The following ZNF609 variants were observed in gnomAD, a reference collection of about 807,000 sequenced individuals.
ZNF609 encodes the protein zinc finger protein 609.
Under a neutral mutation model 109.5 loss-of-function variants are expected in ZNF609, and 11 were observed. The ratio of observed to expected loss-of-function variants is 0.10; its 90% CI spans 0.06 to 0.17. The LOEUF is 0.17. ZNF609 is among the 10% of genes least tolerant of loss of function. ZNF609 has a pLI of 1.00. For synonymous variants in ZNF609, 646 were observed against 662.0 expected (o/e 0.98, Z 0.37); for missense variants, 1,559 against 1,772.4 (o/e 0.88, Z 2.16).
chr15:64,605,675 GTTA>G (rs1895582254), intron 2 of ZNF609, among the ~76,000 whole-genome samples: 1 of 151,394 alleles, frequency 6.6e-6, no homozygotes, highest in Admixed American at 6.6e-5. Context: ...ATTGCATAAT[GTTA>G]TTAGTGGTTA....
intron 1 of ZNF609, among the ~76,000 whole-genome samples, chr15:64,472,246 T>G (rs1893101973): frequency 6.6e-6 from 1 of 152,124 alleles, no homozygotes; most frequent in South Asian, 2.1e-4. Flanking sequence ...TTAAAAAAAG[T>G]GTGAAGTGCA....
chr15:64,512,230 G>C (rs140246055), intron 2 of ZNF609, among the ~76,000 whole-genome samples: 32 of 152,190 alleles, frequency 2.1e-4, no homozygotes, highest in African/African-American at 7.7e-4. Flanking sequence ...TTAAGGTAGA[G>C]CATCCATATT....
At chr15:64,506,941 C>A (rs1893646208) in intron 2 of ZNF609, among the ~76,000 whole-genome samples, 1 of 152,140 alleles carries the variant, frequency 6.6e-6, no homozygotes, top group African/African-American at 2.4e-5. Flanking sequence ...TTAGCTAAGA[C>A]TTTTTAGCAC....
At chr15:64,601,935 C>T (rs1400911755) in intron 2 of ZNF609, among the ~76,000 whole-genome samples, 2 of 152,064 alleles carry the variant, frequency 1.3e-5, no homozygotes, top group African/African-American at 2.4e-5. Flanking sequence ...AAATCCTGAC[C>T]CTGTCACTTA....
At chr15:64,497,475 A>C (rs763868739) in intron 1 of ZNF609, among the ~76,000 whole-genome samples, 9 of 152,196 alleles carry the variant, frequency 5.9e-5, no homozygotes, top group Non-Finnish European at 1.3e-4. Context: ...CTGAGGGAAT[A>C]GGTAAAAAAG....
At chr15:64,548,424 C>T (rs768501772) in intron 2 of ZNF609, among the ~76,000 whole-genome samples, 1 of 152,220 alleles carries the variant, frequency 6.6e-6, no homozygotes, top group Non-Finnish European at 1.5e-5. Context: ...CTTTTCTTTA[C>T]AAGTCGATGA....
At chr15:64,667,636 C>A (rs1316323061) in intron 3 of ZNF609, among the ~76,000 whole-genome samples, 3 of 151,894 alleles carry the variant, frequency 2.0e-5, no homozygotes, top group Admixed American at 2.0e-4. Flanking sequence ...CACTTGAACC[C>A]AGGAGGTGGA....
At position 64,499,923 on chromosome 15, in the gene ZNF609, G is replaced by C. The variant is rs749603033; in HGVS notation, c.504G>C (p.Lys168Asn). Residue 168 changes from lysine (K) to asparagine (N), a missense_variant, in exon 2 of 10, where the codon AAG (lysine) becomes AAC (asparagine). Lys to Asn is a moderately conservative substitution (Grantham distance 94). Around this residue, in one of 4 missense-constraint regions of ZNF609, gnomAD observed 291 missense variants for 317.8 expected, o/e 0.92. Transcript: ENST00000326648. ...AGGAGAACAGCTCATCTAAGAGCAA[G>C]AAGGAGAGAAGCGAAGGAGTGGGGA... is the stretch of plus-strand genomic sequence containing the variant. ...KEKENSSSKSKKERSEGVGTC... is the reference protein window; with the variant it reads ...KEKENSSSKSNKERSEGVGTC... The C allele has an allele frequency of 5.0e-6, 8 of 1,614,018 alleles. No homozygotes were observed. The Admixed American group carries it at 6.7e-5, about 13-fold the overall frequency.
chr15:64,505,693 G>C (rs1235837872), intron 2 of ZNF609, among the ~76,000 whole-genome samples: 1 of 152,140 alleles, frequency 6.6e-6, no homozygotes, highest in African/African-American at 2.4e-5. Flanking sequence ...TTTGGGGTAA[G>C]GGCCCAGAAA....
chr15:64,561,210 A>G (rs1000571004), intron 2 of ZNF609, among the ~76,000 whole-genome samples: 11 of 152,146 alleles, frequency 7.2e-5, no homozygotes, highest in Non-Finnish European at 1.5e-5. Context: ...ACCCTCAGTG[A>G]CTTGTTATCT....
chr15:64,576,822 C>CAAAAAA (rs57802165), intron 2 of ZNF609, among the ~76,000 whole-genome samples: 1 of 79,928 alleles, frequency 1.3e-5, no homozygotes, highest in African/African-American at 5.0e-5. Flanking sequence ...GACTCCATCT[C>CAAAAAA]AAAAAAAAAA....
In ZNF609 at chr15:64,499,599, G is replaced by A. The variant is rs780971526; in HGVS notation, c.180G>A (p.Pro60=). ...EMSGSKEVGI[P]APNAVATLPD... is the part of the protein sequence containing the mutation. ...CAGGCTCAAAGGAGGTGGGGATACC[G>A]GCTCCCAATGCTGTGGCCACACTAC... is the stretch of plus-strand genomic sequence containing the variant. Residue 60 remains proline, a synonymous_variant, in exon 2 of 10, where the codon CCG becomes CCA. Coordinates refer to ENST00000326648, the MANE Select transcript of ZNF609 (RefSeq NM_015042.2). 6 of 1,614,042 alleles carry A rather than the reference G, an allele frequency of 3.7e-6. No individual in the cohort carries two copies. Among genetic ancestry groups the A allele is most frequent in the South Asian group, 2.2e-5 (2 of 91,088 alleles).
chr15:64,607,502 C>CTTTTTTT (rs200902765), intron 2 of ZNF609, among the ~76,000 whole-genome samples: 1 of 131,988 alleles, frequency 7.6e-6, no homozygotes. Context: ...TTAAGGCATA[C>CTTTTTTT]TTTTTTTTTT....
At position 64,680,190 on chromosome 15, in the gene ZNF609, T is replaced by C; in HGVS notation, c.3775T>C (p.Tyr1259His). 1 of 1,614,136 alleles carries C rather than the reference T, an allele frequency of 6.2e-7. No individual in the cohort carries two copies. Among genetic ancestry groups the C allele is most frequent in the East Asian group, 2.2e-5 (1 of 44,884 alleles). The change falls in exon 7 of 10, where the codon TAC (tyrosine) becomes CAC (histidine). Residue 1259 changes from tyrosine to histidine, a missense_variant. By Grantham distance (83) the Tyr-to-His change is moderately conservative. Around this residue, in one of 4 missense-constraint regions of ZNF609, gnomAD observed 1,204 missense variants for 1,314.1 expected, o/e 0.92. Coordinates refer to ENST00000326648, the MANE Select transcript of ZNF609 (RefSeq NM_015042.2). ...AVMMQNYPGSYLPSSYSFSPY... is the reference protein window; with the variant it reads ...AVMMQNYPGSHLPSSYSFSPY... The stretch of plus-strand genomic sequence containing the variant: ...TTTGATTTCTCCTTCCACAGGTTCC[T>C]ACCTGCCTTCCAGCTACTCTTTTTC...
intron 2 of ZNF609, among the ~76,000 whole-genome samples, chr15:64,560,146 A>G (rs1450349473): frequency 6.6e-6 from 1 of 152,142 alleles, no homozygotes; most frequent in South Asian, 2.1e-4. Flanking sequence ...CCCAGGTTCA[A>G]GTGATTCTCC....
At chr15:64,586,112 G>T (rs998687100) in intron 2 of ZNF609, among the ~76,000 whole-genome samples, 1 of 152,068 alleles carries the variant, frequency 6.6e-6, no homozygotes. Flanking sequence ...ATCACCTGAG[G>T]TCAGGAGTTC....
chr15:64,662,904 T>TG (rs1896600225), intron 3 of ZNF609, among the ~76,000 whole-genome samples: 1 of 147,854 alleles, frequency 6.8e-6, no homozygotes, highest in South Asian at 2.2e-4. Flanking sequence ...GGACCTAAGA[T>TG]GATCCACCTG....
At chr15:64,619,505 A>C (rs985396105) in intron 2 of ZNF609, among the ~76,000 whole-genome samples, 4 of 152,234 alleles carry the variant, frequency 2.6e-5, no homozygotes, top group African/African-American at 9.6e-5. Flanking sequence ...AAATACTATT[A>C]TGCTGCTCTG....
intron 1 of ZNF609, among the ~76,000 whole-genome samples, chr15:64,463,314 C>T (rs939998994): frequency 6.6e-6 from 1 of 151,464 alleles, no homozygotes; most frequent in Admixed American, 6.6e-5. Flanking sequence ...AGAAAGATCT[C>T]GTTGAGCCCA....
Sources: gnomAD v4.1 joint callset for allele counts (sites outside exome capture counted in the v4.1 genomes callset) on GRCh38, gnomAD v4.1.1 for gene constraint, gnomAD v4.1.1 regional missense constraint, MANE v1.5 for transcripts, NCBI Gene and HGNC (gene_info 2026-07-23, HGNC 2026-07-21) for gene names.